The following DIAPH3 variants were observed in gnomAD, a reference collection of about 807,000 sequenced individuals.
DIAPH3 encodes the protein protein diaphanous homolog 3.
A neutral mutation model predicts 144.3 loss-of-function variants in DIAPH3; 117 were observed. The ratio of observed to expected loss-of-function variants is 0.81; its 90% CI spans 0.70 to 0.95. The LOEUF (loss-of-function observed/expected upper bound fraction) is 0.95. Among genes scored for constraint, DIAPH3 ranks in the 40% least tolerant of loss-of-function variants. The pLI is 0.00. For synonymous variants in DIAPH3, 519 were observed against 488.9 expected (o/e 1.06, Z -0.81); for missense variants, 1,421 against 1,412.7 (o/e 1.01, Z -0.09).
intron 27 of DIAPH3, among the ~76,000 whole-genome samples, chr13:59,697,070 C>A (rs992774857): frequency 6.6e-6 from 1 of 151,872 alleles, no homozygotes; most frequent in Non-Finnish European, 1.5e-5. Flanking sequence ...TGTAAAAATT[C>A]AGAAATTCCA....
At chr13:60,078,094 C>T (rs2057434878) in intron 4 of DIAPH3, among the ~76,000 whole-genome samples, 1 of 151,978 alleles carries the variant, frequency 6.6e-6, no homozygotes, top group South Asian at 2.1e-4. Context: ...TCCAAGATCC[C>T]CATCAATGTG....
chr13:59,814,410 G>A (rs1194370157), intron 24 of DIAPH3, among the ~76,000 whole-genome samples: 1 of 152,092 alleles, frequency 6.6e-6, no homozygotes, highest in African/African-American at 2.4e-5. Flanking sequence ...TTCTCATATT[G>A]TAACTATTAG....
chr13:59,725,005 C>T (rs1454008540), intron 27 of DIAPH3, among the ~76,000 whole-genome samples: 1 of 152,138 alleles, frequency 6.6e-6, no homozygotes, highest in African/African-American at 2.4e-5. Context: ...AAGCAATTTA[C>T]TGTTTTTAGT....
chr13:59,743,805 G>A (rs1287067677), intron 27 of DIAPH3, among the ~76,000 whole-genome samples: 1 of 151,936 alleles, frequency 6.6e-6, no homozygotes, highest in Non-Finnish European at 1.5e-5. Context: ...TTTAAATGCA[G>A]CTGGAAAAGC....
intron 4 of DIAPH3, among the ~76,000 whole-genome samples, chr13:60,087,552 A>T (rs1212545908): frequency 6.6e-6 from 1 of 152,192 alleles, no homozygotes; most frequent in Non-Finnish European, 1.5e-5. Context: ...TAAAGTTATG[A>T]TCATTAATAC....
chr13:59,939,489 G>C (rs1420722967), intron 17 of DIAPH3, among the ~76,000 whole-genome samples: 2 of 152,228 alleles, frequency 1.3e-5, no homozygotes, highest in East Asian at 1.9e-4. Context: ...TACATGAAAG[G>C]AAGATCTTCA....
intron 20 of DIAPH3, among the ~76,000 whole-genome samples, chr13:59,894,143 C>A (rs2045962647): frequency 6.6e-6 from 1 of 151,932 alleles, no homozygotes; most frequent in Admixed American, 6.6e-5. Context: ...CAGGCAACTC[C>A]TCTGCCCTTC....
intron 17 of DIAPH3, among the ~76,000 whole-genome samples, chr13:59,925,312 T>C (rs1330470179): frequency 6.6e-6 from 1 of 152,162 alleles, no homozygotes; most frequent in East Asian, 1.9e-4. Context: ...TACAATACCA[T>C]TCTTATTTAA....
rs1199227632 is a variant in DIAPH3 at position 59,934,650 on chromosome 13, C to T, written c.2075-9780G>A. ...AAAGATACAAATTTTTGAACCAGAACGGCCCTTCAGTATGGACTTTAACCA... is the reference window on the plus strand; with the variant it reads ...AAAGATACAAATTTTTGAACCAGAATGGCCCTTCAGTATGGACTTTAACCA... On this transcript the variant is annotated intron_variant, in intron 17 of 27. Transcript: ENST00000400324. Among the ~76,000 whole-genome samples the T allele has an allele frequency of 4.6e-5, 7 of 152,152 alleles. No homozygotes were observed. The South Asian group carries it at 6.2e-4, about 14-fold the overall frequency.
rs528927731 is a variant in DIAPH3, at chr13:60,087,702, C to T, written c.495+5926G>A. 2.0e-5 allele frequency among the ~76,000 whole-genome samples: 3 copies of T among 151,722 alleles called. No individual in the cohort carries two copies. In the East Asian group the frequency reaches 5.8e-4, roughly 29 times the overall value. On this transcript the variant is annotated intron_variant, in intron 4 of 27. Coordinates refer to ENST00000400324, the MANE Select transcript of DIAPH3 (RefSeq NM_001042517.2). The stretch of plus-strand genomic sequence containing the variant: ...AATAGCCCTTACATTCAGTTGGAAA[C>T]CAGCTTGACAGGGAAAAAGAAGGAG...
chr13:59,857,158 G>A (rs1008644581), intron 22 of DIAPH3, among the ~76,000 whole-genome samples: 3 of 152,042 alleles, frequency 2.0e-5, no homozygotes, highest in Non-Finnish European at 4.4e-5. Flanking sequence ...TTTTTAGAAG[G>A]CTATAGCAAC....
intron 27 of DIAPH3, among the ~76,000 whole-genome samples, chr13:59,721,092 T>C (rs10507634): frequency 0.043 from 6,496 of 152,244 alleles, 233 homozygotes; most frequent in South Asian, 0.11. Flanking sequence ...ACAAATAACT[T>C]GCTAACCATT....
intron 20 of DIAPH3, among the ~76,000 whole-genome samples, chr13:59,902,129 T>C (rs982715215): frequency 8.5e-5 from 13 of 152,162 alleles, no homozygotes; most frequent in African/African-American, 2.9e-4. Flanking sequence ...CTGTTAAACA[T>C]GTAAAGAAAA....
At chr13:60,033,956 C>T (rs1438705869) in intron 5 of DIAPH3, among the ~76,000 whole-genome samples, 2 of 152,150 alleles carry the variant, frequency 1.3e-5, no homozygotes, top group Admixed American at 6.5e-5. Flanking sequence ...TGTATTAAGG[C>T]CTTTCTTCAT....
intron 2 of DIAPH3, among the ~76,000 whole-genome samples, chr13:60,122,407 T>C (rs1280551984): frequency 6.6e-6 from 1 of 152,218 alleles, no homozygotes. Context: ...CATCATATAA[T>C]ATGTATACAA....
At position 59,810,932 on chromosome 13, in the gene DIAPH3, A is replaced by G; in HGVS notation, c.3028-9T>C. The G allele has an allele frequency of 6.3e-7, 1 of 1,599,894 alleles. No homozygotes were observed. Among genetic ancestry groups the G allele is most frequent in the Admixed American group, 1.7e-5 (1 of 58,384 alleles). ...TTCTCCTTTATTGCTTGCTAAAAAA[A>G]TTTTGAAAAATGATCAATTTTAACC... is the stretch of plus-strand genomic sequence containing the variant. On this transcript the variant is annotated splice_polypyrimidine_tract_variant and intron_variant, in intron 24 of 27. Transcript: ENST00000400324.
chr13:59,991,932 A>G, intron 11 of DIAPH3, 136 bp downstream of exon 11: 1 of 718,512 alleles, frequency 1.4e-6, no homozygotes, highest in African/African-American at 1.8e-5. Flanking sequence ...TAATAAAATA[A>G]TAACATTCTT....
chr13:60,004,066 CTT>C (rs1464048535), intron 9 of DIAPH3, among the ~76,000 whole-genome samples: 1 of 152,076 alleles, frequency 6.6e-6, no homozygotes, highest in African/African-American at 2.4e-5. Flanking sequence ...AAAAAAAATA[CTT>C]TGTCATAAAT....
chr13:60,065,328 A>T (rs1436047344), intron 4 of DIAPH3, among the ~76,000 whole-genome samples: 1 of 151,312 alleles, frequency 6.6e-6, no homozygotes, highest in Non-Finnish European at 1.5e-5. Context: ...AGGTACACCT[A>T]TATTAATAAT....
Sources: gnomAD v4.1 joint callset for allele counts (sites outside exome capture counted in the v4.1 genomes callset) on GRCh38, gnomAD v4.1.1 for gene constraint, MANE v1.5 for transcripts, NCBI Gene and HGNC (gene_info 2026-07-23, HGNC 2026-07-21) for gene names.